Variants in LDLRAD4 observed in about 807,000 individuals in gnomAD.
LDLRAD4 encodes the protein low-density lipoprotein receptor class A domain-containing protein 4.
A neutral mutation model predicts 17.0 loss-of-function variants in LDLRAD4; 5 were observed. That is an observed-to-expected ratio of 0.29 (90% confidence interval 0.15 to 0.62). LDLRAD4 has a LOEUF of 0.62. LDLRAD4 is among the 20% of genes least tolerant of loss of function. The probability of loss-of-function intolerance (pLI) is 0.84; values close to 1 mark genes in which losing one functional copy is unlikely to be tolerated. For missense variants in LDLRAD4, 340 were observed against 424.7 expected (o/e 0.80, Z 1.75); for synonymous variants, 168 against 171.8 (o/e 0.98, Z 0.17).
chr18:13,493,248 G>A (rs1278972773), intron 3 of LDLRAD4, among the ~76,000 whole-genome samples: 1 of 152,210 alleles, frequency 6.6e-6, no homozygotes, highest in Non-Finnish European at 1.5e-5. Flanking sequence ...TACTGGGAAA[G>A]TGTATGTCCT....
At chr18:13,546,988 G>A (rs1227127767) in intron 3 of LDLRAD4, among the ~76,000 whole-genome samples, 1 of 152,142 alleles carries the variant, frequency 6.6e-6, no homozygotes, top group Non-Finnish European at 1.5e-5. Flanking sequence ...CATTTTGGCT[G>A]GTGAGGTGAC....
chr18:13,618,918 T>C (rs1205550312), intron 3 of LDLRAD4, among the ~76,000 whole-genome samples: 2 of 152,228 alleles, frequency 1.3e-5, no homozygotes, highest in Non-Finnish European at 2.9e-5. Context: ...CTTCCTTTCA[T>C]GCTTATCCCT....
chr18:13,256,507 G>A (rs1380692713), intron 1 of LDLRAD4, among the ~76,000 whole-genome samples: 1 of 152,204 alleles, frequency 6.6e-6, no homozygotes, highest in Non-Finnish European at 1.5e-5. Context: ...GAAATACTGA[G>A]TTAGGACAGT....
At chr18:13,307,481 A>AGCAC in intron 1 of LDLRAD4, among the ~76,000 whole-genome samples, 2 of 152,150 alleles carry the variant, frequency 1.3e-5, no homozygotes, top group Non-Finnish European at 2.9e-5. Flanking sequence ...CAGTGGTGCC[A>AGCAC]TCTTGGCACC....
chr18:13,342,189 A>C (rs2082407773), intron 1 of LDLRAD4, among the ~76,000 whole-genome samples: 1 of 152,106 alleles, frequency 6.6e-6, no homozygotes, highest in African/African-American at 2.4e-5. Context: ...ATTGGTTTGT[A>C]GTTTTCTTTT....
chr18:13,638,264 G>T (rs1272344160), intron 4 of LDLRAD4, among the ~76,000 whole-genome samples: 2 of 152,136 alleles, frequency 1.3e-5, no homozygotes, highest in Non-Finnish European at 2.9e-5. Flanking sequence ...CATAGACTTT[G>T]TCTCTTAAAA....
intron 2 of LDLRAD4, among the ~76,000 whole-genome samples, 191 bp downstream of exon 3, chr18:13,387,953 G>A (rs2085951357): frequency 6.6e-6 from 1 of 152,218 alleles, no homozygotes; most frequent in African/African-American, 2.4e-5. Flanking sequence ...CTCAATAGCA[G>A]TTTGAAAAAG....
At chr18:13,368,320 C>T (rs574278649) in intron 1 of LDLRAD4, among the ~76,000 whole-genome samples, 1 of 152,088 alleles carries the variant, frequency 6.6e-6, no homozygotes, top group East Asian at 1.9e-4. Flanking sequence ...GAGTCGGGGG[C>T]CCTGCAGAGA....
intron 3 of LDLRAD4, among the ~76,000 whole-genome samples, chr18:13,545,597 C>A (rs1470016466): frequency 6.6e-6 from 1 of 152,124 alleles, no homozygotes; most frequent in South Asian, 2.1e-4. Flanking sequence ...GGTTACTCTT[C>A]CACACACACA....
intron 3 of LDLRAD4, among the ~76,000 whole-genome samples, chr18:13,530,082 C>G (rs992541327): frequency 6.6e-6 from 1 of 152,154 alleles, no homozygotes; most frequent in Admixed American, 6.5e-5. Context: ...ACTGCCCGAT[C>G]ATAAAATTCA....
At chr18:13,547,345 G>C (rs1807625911) in intron 3 of LDLRAD4, among the ~76,000 whole-genome samples, 2 of 152,202 alleles carry the variant, frequency 1.3e-5, no homozygotes, top group South Asian at 2.1e-4. Context: ...TCTTAAACTT[G>C]TTAGATGATC....
At chr18:13,642,928 G>GTTTTTTTTTTT (rs113846373) in intron 4 of LDLRAD4, among the ~76,000 whole-genome samples, 3 of 133,784 alleles carry the variant, frequency 2.2e-5, no homozygotes, top group African/African-American at 8.7e-5. Flanking sequence ...TCTATTTTTT[G>GTTTTTTTTTTT]TTTTTTTTTT....
chr18:13,638,633 G>A (rs1430957462), intron 4 of LDLRAD4, among the ~76,000 whole-genome samples: 1 of 152,190 alleles, frequency 6.6e-6, no homozygotes, highest in East Asian at 1.9e-4. Context: ...AGTGCGATGT[G>A]GGTCTCAAGG....
intron 1 of LDLRAD4, among the ~76,000 whole-genome samples, chr18:13,243,486 C>T (rs977923932): frequency 6.6e-6 from 1 of 151,264 alleles, no homozygotes; most frequent in African/African-American, 2.4e-5. Flanking sequence ...ATCCGTGCAC[C>T]TACCCACCCG....
At chr18:13,518,688 G>A (rs56870459) in intron 3 of LDLRAD4, among the ~76,000 whole-genome samples, 53 of 152,212 alleles carry the variant, frequency 3.5e-4, no homozygotes, top group Admixed American at 1.3e-3. Context: ...TCTCCAGGGG[G>A]TCCATGAATT....
intron 2 of LDLRAD4, among the ~76,000 whole-genome samples, chr18:13,424,451 A>T (rs1409061642): frequency 6.6e-6 from 1 of 152,138 alleles, no homozygotes. Context: ...CCCTCCCTTT[A>T]GCGCATTTGA....
chr18:13,226,273 G>A (rs1302838229), intron 1 of LDLRAD4, among the ~76,000 whole-genome samples: 2 of 135,840 alleles, frequency 1.5e-5, no homozygotes, highest in Non-Finnish European at 1.5e-5. Flanking sequence ...TTCCCGCCTT[G>A]GCCTCCCAGG....
intron 2 of LDLRAD4, among the ~76,000 whole-genome samples, chr18:13,422,557 G>C (rs1274521538): frequency 6.6e-6 from 1 of 150,984 alleles, no homozygotes; most frequent in Non-Finnish European, 1.5e-5. Flanking sequence ...AAAAGGCCAA[G>C]TGTGATGGCC....
chr18:13,363,311 G>A (rs56207957), intron 1 of LDLRAD4, among the ~76,000 whole-genome samples: 9,833 of 141,028 alleles, frequency 0.07, 429 homozygotes, highest in Middle Eastern at 0.12. Flanking sequence ...CAACCTGGGC[G>A]ACAGAGCAAG....
Sources: gnomAD v4.1 joint callset for allele counts (sites outside exome capture counted in the v4.1 genomes callset) on GRCh38, gnomAD v4.1.1 for gene constraint, MANE v1.5 for transcripts, NCBI Gene and HGNC (gene_info 2026-07-23, HGNC 2026-07-21) for gene names.